REDIC1: variants seen among roughly 807,000 people sequenced by gnomAD.
The protein encoded by REDIC1 is regulator of DNA class I crossover intermediates 1, also known as HEI10 Interacting Protein 1.
chr12:39,786,400 G>GATTCTGAGGCCTCCCCAGCCATGT, the REDIC1 span, among the ~76,000 whole-genome samples: 1 of 152,160 alleles, frequency 6.6e-6, no homozygotes, highest in Non-Finnish European at 1.5e-5. Context: ...CCCCAGCCAT[G>GATTCTGAGGCCTCCCCAGCCATGT]TGGAACTGTG....
At chr12:39,856,456 C>T in the REDIC1 span, among the ~76,000 whole-genome samples, 1 of 152,168 alleles carries the variant, frequency 6.6e-6, no homozygotes, top group Non-Finnish European at 1.5e-5. Context: ...GTAACCTCTG[C>T]CTCCCGGGCT....
chr12:39,726,123 G>GCCT, the REDIC1 span, among the ~76,000 whole-genome samples: 348 of 150,922 alleles, frequency 2.3e-3, 3 homozygotes, highest in East Asian at 0.029. Flanking sequence ...TTTTGCTGCT[G>GCCT]CCTCCTCCTC....
chr12:39,864,885 T>TAAA, the REDIC1 span: 1 of 1,253,634 alleles, frequency 8.0e-7, no homozygotes, highest in Non-Finnish European at 1.1e-6. Context: ...GGTGGTACCT[T>TAAA]AAAAAAAAAA....
At chr12:39,867,647 A>G in the REDIC1 span, among the ~76,000 whole-genome samples, 2 of 152,214 alleles carry the variant, frequency 1.3e-5, no homozygotes, top group Non-Finnish European at 2.9e-5. Flanking sequence ...AAATTCCTAA[A>G]TAGGTAAAAG....
the REDIC1 span, among the ~76,000 whole-genome samples, chr12:39,715,892 CT>C: frequency 6.6e-6 from 1 of 151,898 alleles, no homozygotes; most frequent in Non-Finnish European, 1.5e-5. Context: ...CTACCCTTCA[CT>C]TTTGTGCACT....
chr12:39,685,286 C>T, the REDIC1 span, among the ~76,000 whole-genome samples: 2 of 152,216 alleles, frequency 1.3e-5, no homozygotes, highest in South Asian at 4.1e-4. Flanking sequence ...CATGGTTCTG[C>T]AGGCTGTACA....
At chr12:39,676,274 A>G in the REDIC1 span, among the ~76,000 whole-genome samples, 1 of 152,162 alleles carries the variant, frequency 6.6e-6, no homozygotes, top group African/African-American at 2.4e-5. Context: ...AACTTCTGTA[A>G]GTGAAAGATG....
chr12:39,679,720 C>T, the REDIC1 span, among the ~76,000 whole-genome samples: 1 of 152,154 alleles, frequency 6.6e-6, no homozygotes, highest in Non-Finnish European at 1.5e-5. Context: ...CTGGAGGCAT[C>T]ACATTACCTG....
the REDIC1 span, among the ~76,000 whole-genome samples, chr12:39,712,380 CTA>C: frequency 1.4e-4 from 17 of 119,908 alleles, no homozygotes; most frequent in African/African-American, 3.1e-4. Context: ...GTATATATAC[CTA>C]TATATATACC....
chr12:39,815,340 T>G, the REDIC1 span, among the ~76,000 whole-genome samples: 2 of 152,234 alleles, frequency 1.3e-5, no homozygotes, highest in African/African-American at 2.4e-5. Context: ...TTGTTAACTA[T>G]TGTCATTTCT....
chr12:39,896,022 A>ATG, the REDIC1 span, among the ~76,000 whole-genome samples: 1 of 143,444 alleles, frequency 7.0e-6, no homozygotes, highest in Non-Finnish European at 1.5e-5. Context: ...GTATATGTAT[A>ATG]CATACATGCA....
At chr12:39,852,163 G>A in the REDIC1 span, among the ~76,000 whole-genome samples, 1 of 152,134 alleles carries the variant, frequency 6.6e-6, no homozygotes, top group South Asian at 2.1e-4. Context: ...TAACTAGCAT[G>A]GTAAATAACA....
chr12:39,740,312 C>T, the REDIC1 span, among the ~76,000 whole-genome samples: 1 of 152,062 alleles, frequency 6.6e-6, no homozygotes, highest in African/African-American at 2.4e-5. Flanking sequence ...CTCTTGAGAC[C>T]ATTTATATGG....
chr12:39,745,939 A>T, the REDIC1 span: 1 of 152,228 alleles, frequency 6.6e-6, no homozygotes, highest in South Asian at 2.1e-4. Context: ...TTAAAAATTT[A>T]TTGAGCACAG....
At chr12:39,794,822 A>T in the REDIC1 span, among the ~76,000 whole-genome samples, 1 of 152,184 alleles carries the variant, frequency 6.6e-6, no homozygotes, top group Non-Finnish European at 1.5e-5. Flanking sequence ...AATTTGTCTA[A>T]GGTTTTTAAC....
chr12:39,688,538 A>G, the REDIC1 span, among the ~76,000 whole-genome samples: 1 of 152,332 alleles, frequency 6.6e-6, no homozygotes, highest in Admixed American at 6.5e-5. Flanking sequence ...TCTGGACAAT[A>G]CAAAAAGGTA....
chr12:39,668,744 T>C, the REDIC1 span, among the ~76,000 whole-genome samples: 1 of 152,172 alleles, frequency 6.6e-6, no homozygotes, highest in Admixed American at 6.5e-5. Context: ...CTTGGAGGCT[T>C]TGTTCATTTT....
the REDIC1 span, among the ~76,000 whole-genome samples, chr12:39,627,194 T>A: frequency 6.6e-6 from 1 of 152,236 alleles, no homozygotes; most frequent in African/African-American, 2.4e-5. Flanking sequence ...ATTCACTAAG[T>A]ATTGTAGCTA....
the REDIC1 span, among the ~76,000 whole-genome samples, chr12:39,880,003 C>G: frequency 1.3e-5 from 2 of 152,030 alleles, no homozygotes; most frequent in South Asian, 2.1e-4. Context: ...TGAGTTCATA[C>G]AAGACACAGT....
Sources: gnomAD v4.1 joint callset for allele counts (sites outside exome capture counted in the v4.1 genomes callset) on GRCh38, gnomAD v4.1.1 for gene constraint, MANE v1.5 for transcripts, NCBI Gene and HGNC (gene_info 2026-07-23, HGNC 2026-07-21) for gene names.